Variants in RGS7 observed in about 807,000 individuals in gnomAD.
RGS7 encodes regulator of G-protein signaling 7.
A neutral mutation model predicts 81.1 loss-of-function variants in RGS7; 27 were observed. That is an observed-to-expected ratio of 0.33 (90% CI 0.25 to 0.46). The LOEUF is 0.46. Ranked by LOEUF, RGS7 falls within the 20% of genes least tolerant of loss-of-function variation. The pLI is 1.00. For synonymous variants in RGS7, 208 were observed against 207.7 expected, an observed-to-expected ratio of 1.00 and a Z score of -0.01; for missense variants, 396 against 607.4, an observed-to-expected ratio of 0.65 and a Z score of 3.66.
chr1:240,838,331 AAAGATC>A (rs958247612), intron 9 of RGS7, among the ~76,000 whole-genome samples: 20 of 152,300 alleles, frequency 1.3e-4, no homozygotes, highest in Admixed American at 1.1e-3. Context: ...ATCACCTTCC[AAAGATC>A]TTAGCTCCTA....
intron 2 of RGS7, among the ~76,000 whole-genome samples, chr1:241,167,501 C>G (rs2070355371): frequency 6.6e-6 from 1 of 151,964 alleles, no homozygotes; most frequent in African/African-American, 2.4e-5. Context: ...ACAGGGACAG[C>G]TGTACTCTTT....
chr1:240,785,206 G>A (rs932889718), intron 18 of RGS7, among the ~76,000 whole-genome samples: 1 of 152,080 alleles, frequency 6.6e-6, no homozygotes, highest in Non-Finnish European at 1.5e-5. Context: ...CCTGGGTTCC[G>A]TGGCCTTTCA....
intron 2 of RGS7, among the ~76,000 whole-genome samples, chr1:241,300,855 G>A (rs1002335029): frequency 6.6e-5 from 10 of 152,188 alleles, no homozygotes; most frequent in African/African-American, 1.9e-4. Flanking sequence ...CAAAGTGGCT[G>A]TACCATTTTG....
At chr1:241,042,558 GA>G (rs1275998549) in intron 3 of RGS7, among the ~76,000 whole-genome samples, 4 of 151,988 alleles carry the variant, frequency 2.6e-5, no homozygotes, top group Non-Finnish European at 5.9e-5. Flanking sequence ...AATACATACA[GA>G]AAAAAAGGCA....
chr1:241,248,890 CT>C (rs1161424034), intron 2 of RGS7, among the ~76,000 whole-genome samples: 7 of 152,164 alleles, frequency 4.6e-5, no homozygotes, highest in Non-Finnish European at 1.0e-4. Flanking sequence ...GACGAACTTG[CT>C]ACCAGTATTT....
intron 7 of RGS7, 48 bp downstream of exon 7, chr1:240,870,007 T>C (rs1251324326): frequency 8.9e-6 from 13 of 1,460,256 alleles, no homozygotes; most frequent in Non-Finnish European, 1.3e-5. Flanking sequence ...TGGGCCTTAC[T>C]GCTGTGCATT....
intron 3 of RGS7, among the ~76,000 whole-genome samples, chr1:241,085,835 T>G (rs954683454): frequency 1.3e-5 from 2 of 152,170 alleles, no homozygotes; most frequent in African/African-American, 4.8e-5. Context: ...TTGTTAAGAC[T>G]CAAATAAAAC....
intron 2 of RGS7, among the ~76,000 whole-genome samples, chr1:241,156,547 T>C (rs531686959): frequency 6.5e-4 from 81 of 124,118 alleles, no homozygotes; most frequent in Non-Finnish European, 1.0e-3. Flanking sequence ...AGATAGATGA[T>C]AGATGGAAAG....
chr1:241,022,353 C>T (rs1016959467), intron 3 of RGS7, among the ~76,000 whole-genome samples: 15 of 152,196 alleles, frequency 9.9e-5, no homozygotes, highest in Admixed American at 2.0e-4. Context: ...CATAAAATAA[C>T]AGTCCTTTCC....
At chr1:241,179,523 C>T (rs780762884) in intron 2 of RGS7, among the ~76,000 whole-genome samples, 8 of 152,226 alleles carry the variant, frequency 5.3e-5, no homozygotes, top group Non-Finnish European at 1.0e-4. Flanking sequence ...CAGAACATCT[C>T]CACTAAATCA....
At chr1:241,189,116 A>C (rs113556164) in intron 2 of RGS7, among the ~76,000 whole-genome samples, 58 of 152,294 alleles carry the variant, frequency 3.8e-4, no homozygotes, top group African/African-American at 1.4e-3. Flanking sequence ...CTGGGACTCC[A>C]GACACATGCC....
At chr1:240,980,702 G>A (rs541215668) in intron 4 of RGS7, among the ~76,000 whole-genome samples, 6 of 152,198 alleles carry the variant, frequency 3.9e-5, no homozygotes, top group South Asian at 2.1e-4. Flanking sequence ...TTTTCCATGT[G>A]CACAATCTGT....
At chr1:240,955,980 G>A (rs186686939) in intron 4 of RGS7, among the ~76,000 whole-genome samples, 250 of 152,296 alleles carry the variant, frequency 1.6e-3, no homozygotes, top group African/African-American at 5.3e-3. Context: ...TGGGTTGTCA[G>A]GTATAGCACT....
At chr1:241,152,930 C>A (rs746180665) in intron 2 of RGS7, among the ~76,000 whole-genome samples, 1 of 152,186 alleles carries the variant, frequency 6.6e-6, no homozygotes, top group Non-Finnish European at 1.5e-5. Flanking sequence ...CTGACTGATA[C>A]AAAGGTCTTA....
intron 3 of RGS7, among the ~76,000 whole-genome samples, chr1:241,001,954 G>A (rs1427931613): frequency 3.9e-5 from 6 of 152,136 alleles, no homozygotes; most frequent in East Asian, 3.9e-4. Flanking sequence ...ATAATGACGC[G>A]TCAGTGCGAT....
chr1:241,211,621 T>C (rs1426138931), intron 2 of RGS7, among the ~76,000 whole-genome samples: 1 of 152,234 alleles, frequency 6.6e-6, no homozygotes, highest in African/African-American at 2.4e-5. Flanking sequence ...GCACCAGTCC[T>C]GTTTATAAAA....
At chr1:241,351,682 A>G (rs140996509) in intron 2 of RGS7, among the ~76,000 whole-genome samples, 199 of 152,328 alleles carry the variant, frequency 1.3e-3, no homozygotes, top group Non-Finnish European at 2.0e-3. Context: ...AAGAGACTAT[A>G]TAAGGATGAA....
chr1:241,311,669 T>G (rs899251982), intron 2 of RGS7, among the ~76,000 whole-genome samples: 4 of 152,210 alleles, frequency 2.6e-5, no homozygotes, highest in Non-Finnish European at 4.4e-5. Context: ...GGTGCAGTTT[T>G]TTTCATTCAC....
At chr1:241,134,204 T>C (rs897752822) in intron 2 of RGS7, among the ~76,000 whole-genome samples, 6 of 152,228 alleles carry the variant, frequency 3.9e-5, no homozygotes, top group East Asian at 1.9e-4. Context: ...GGCTACTGTA[T>C]TGGGTAGCAC....
Sources: allele counts gnomAD v4.1 joint callset (sites outside exome capture counted in the v4.1 genomes callset), GRCh38; gene constraint gnomAD v4.1.1; transcripts MANE v1.5; gene names NCBI Gene and HGNC (gene_info 2026-07-23, HGNC 2026-07-21).